The following PCDH9 variants were observed in gnomAD, a reference collection of about 807,000 sequenced individuals.
PCDH9 encodes protocadherin-9.
A neutral mutation model predicts 70.6 loss-of-function variants in PCDH9; 24 were observed. That is an observed-to-expected ratio of 0.34 (90% CI 0.25 to 0.48). The LOEUF is 0.48. Among genes scored for constraint, PCDH9 ranks in the 20% least tolerant of loss-of-function variants. PCDH9 has a pLI of 0.99. For synonymous variants in PCDH9, 562 were observed against 558.5 expected (o/e 1.01, Z -0.09); for missense variants, 1,281 against 1,503.6 (o/e 0.85, Z 2.45).
At chr13:66,565,152 G>A (rs1162455481) in intron 4 of PCDH9, among the ~76,000 whole-genome samples, 2 of 152,012 alleles carry the variant, frequency 1.3e-5, no homozygotes, top group Non-Finnish European at 2.9e-5. Flanking sequence ...TATTACTAAC[G>A]CTTAGGTACT....
At chr13:66,346,820 G>A (rs768650269) in intron 4 of PCDH9, among the ~76,000 whole-genome samples, 1 of 152,142 alleles carries the variant, frequency 6.6e-6, no homozygotes, top group Non-Finnish European at 1.5e-5. Context: ...GAATTAGCTC[G>A]GATGAATGCC....
At chr13:66,784,981 T>C (rs1295856451) in intron 3 of PCDH9, among the ~76,000 whole-genome samples, 1 of 152,094 alleles carries the variant, frequency 6.6e-6, no homozygotes, top group East Asian at 1.9e-4. Flanking sequence ...CCCTTTTATT[T>C]TGGAAAGTCT....
intron 4 of PCDH9, among the ~76,000 whole-genome samples, chr13:66,581,358 CT>C (rs1461918839): frequency 6.6e-6 from 1 of 152,052 alleles, no homozygotes; most frequent in Non-Finnish European, 1.5e-5. Flanking sequence ...CCATATTTTG[CT>C]ATGTGAAGGT....
intron 3 of PCDH9, among the ~76,000 whole-genome samples, chr13:66,684,008 T>C (rs1217800408): frequency 1.3e-5 from 2 of 152,208 alleles, no homozygotes; most frequent in Non-Finnish European, 2.9e-5. Context: ...AAATAGAGCA[T>C]ACACTTCCAG....
intron 4 of PCDH9, among the ~76,000 whole-genome samples, chr13:66,377,651 A>C (rs1319471838): frequency 1.3e-5 from 2 of 152,196 alleles, no homozygotes; most frequent in Non-Finnish European, 2.9e-5. Flanking sequence ...TTAACCAGAA[A>C]AATATTTTTC....
intron 3 of PCDH9, among the ~76,000 whole-genome samples, chr13:66,866,668 G>A (rs1272442352): frequency 1.3e-5 from 2 of 151,854 alleles, no homozygotes; most frequent in Non-Finnish European, 2.9e-5. Context: ...GTGGTGGCGA[G>A]CGCCTATAGT....
chr13:66,844,571 C>A (rs1159065939), intron 3 of PCDH9, among the ~76,000 whole-genome samples: 4 of 143,124 alleles, frequency 2.8e-5, no homozygotes, highest in Non-Finnish European at 4.5e-5. Context: ...GGTGACAGGG[C>A]GAGACTCTGT....
chr13:67,125,534 G>C (rs1451815755), intron 2 of PCDH9, among the ~76,000 whole-genome samples: 5 of 152,040 alleles, frequency 3.3e-5, no homozygotes, highest in Admixed American at 6.6e-5. Context: ...TATGAACATG[G>C]TGTACATGCA....
At chr13:66,428,605 T>C (rs1337196949) in intron 4 of PCDH9, among the ~76,000 whole-genome samples, 1 of 151,758 alleles carries the variant, frequency 6.6e-6, no homozygotes, top group Non-Finnish European at 1.5e-5. Context: ...TCCTTATTTA[T>C]AAATCAGGGA....
intron 4 of PCDH9, among the ~76,000 whole-genome samples, chr13:66,566,424 T>G (rs7986003): frequency 0.34 from 51,999 of 151,894 alleles, 9,316 homozygotes; most frequent in African/African-American, 0.44. Context: ...GAAGCAAGTC[T>G]CCCTTAGATA....
Position 66,459,952 on chromosome 13 carries a change from C to T in PCDH9, c.3341-154924G>A, listed in dbSNP as rs953679617. On this transcript the variant is annotated intron_variant, in intron 4 of 4. Transcript: ENST00000377865. ...TCTAAGCCCCACCCCCAGTTTACAGCTCAATGTATTTATTTAAAGAGGATC... is the reference window on the plus strand; with the variant it reads ...TCTAAGCCCCACCCCCAGTTTACAGTTCAATGTATTTATTTAAAGAGGATC... 1.6e-4 allele frequency among the ~76,000 whole-genome samples: 24 copies of T among 151,772 alleles called. 3 individuals are homozygous for T. The highest frequency in any genetic ancestry group is 1.4e-3 in the Admixed American group (21 of 15,178).
intron 4 of PCDH9, among the ~76,000 whole-genome samples, chr13:66,432,748 A>G (rs1457390896): frequency 3.9e-5 from 6 of 151,956 alleles, no homozygotes; most frequent in Admixed American, 2.0e-4. Context: ...ATAGCAAGAA[A>G]ACAGAATTGT....
intron 4 of PCDH9, among the ~76,000 whole-genome samples, chr13:66,522,617 T>C (rs973950249): frequency 5.3e-5 from 8 of 151,882 alleles, no homozygotes; most frequent in Admixed American, 1.3e-4. Flanking sequence ...TCATGGTGGT[T>C]TGAGAGAGCC....
At chr13:66,731,982 A>G (rs2079085592) in intron 3 of PCDH9, among the ~76,000 whole-genome samples, 1 of 152,074 alleles carries the variant, frequency 6.6e-6, no homozygotes, top group African/African-American at 2.4e-5. Flanking sequence ...AAGCAAGAGT[A>G]CATTGGCTTT....
chr13:67,022,848 T>C (rs935987338), intron 2 of PCDH9, among the ~76,000 whole-genome samples: 1 of 152,206 alleles, frequency 6.6e-6, no homozygotes, highest in South Asian at 2.1e-4. Flanking sequence ...GCTCCTCTCC[T>C]ATGCTGAGGC....
At chr13:66,886,608 T>C (rs1174907012) in intron 3 of PCDH9, among the ~76,000 whole-genome samples, 1 of 152,138 alleles carries the variant, frequency 6.6e-6, no homozygotes, top group Non-Finnish European at 1.5e-5. Context: ...CTCGAAAGGG[T>C]ACATTTCTGT....
chr13:66,927,920 T>G (rs2082742499), intron 2 of PCDH9, among the ~76,000 whole-genome samples: 1 of 152,126 alleles, frequency 6.6e-6, no homozygotes, highest in Non-Finnish European at 1.5e-5. Flanking sequence ...ACACATTTGT[T>G]AGCTGGAAAA....
At chr13:67,213,206 CAAAAAAAAAAAAAAAAAAAAAAAAAAAA>C (rs34813503) in intron 2 of PCDH9, 1 of 20,538 alleles carries the variant, frequency 4.9e-5, no homozygotes, top group Non-Finnish European at 9.2e-5. Context: ...GACTCCGTCA[CAAAAAAAAAAAAAAAAAAAAAAAAAAAA>C]AAAAGAAAAA....
intron 2 of PCDH9, among the ~76,000 whole-genome samples, chr13:66,942,254 A>G (rs529079440): frequency 6.6e-6 from 1 of 152,036 alleles, no homozygotes; most frequent in Admixed American, 6.6e-5. Flanking sequence ...CTTCCTCAAT[A>G]GTTTAGAAAA....
Sources: gnomAD v4.1 joint callset for allele counts (sites outside exome capture counted in the v4.1 genomes callset) on GRCh38, gnomAD v4.1.1 for gene constraint, MANE v1.5 for transcripts, NCBI Gene and HGNC (gene_info 2026-07-23, HGNC 2026-07-21) for gene names.